The following PARD3B variants were observed in gnomAD, a reference collection of about 807,000 sequenced individuals.
PARD3B encodes the protein partitioning defective 3 homolog B.
A neutral mutation model predicts 130.2 loss-of-function variants in PARD3B; 103 were observed. The ratio of observed to expected loss-of-function variants is 0.79; its 90% CI spans 0.67 to 0.93. PARD3B has a LOEUF of 0.93. Ranked by LOEUF, PARD3B falls within the 40% of genes least tolerant of loss-of-function variation. The probability of loss-of-function intolerance (pLI) is 0.00; values close to 1 mark genes in which losing one functional copy is unlikely to be tolerated. For synonymous variants in PARD3B, 583 were observed against 553.2 expected (o/e 1.05, Z -0.76); for missense variants, 1,609 against 1,499.2 (o/e 1.07, Z -1.21).
At chr2:204,703,872 T>C (rs571945469) in intron 2 of PARD3B, among the ~76,000 whole-genome samples, 2 of 152,290 alleles carry the variant, frequency 1.3e-5, no homozygotes, top group East Asian at 3.9e-4. Flanking sequence ...AGGGCACATT[T>C]CTATAATTTT....
At chr2:205,231,231 C>T (rs552474299) in intron 15 of PARD3B, among the ~76,000 whole-genome samples, 10 of 151,986 alleles carry the variant, frequency 6.6e-5, no homozygotes, top group African/African-American at 2.2e-4. Flanking sequence ...CTCCTCATTA[C>T]GTTTTAAGAC....
chr2:204,748,685 G>A (rs1379568737), intron 2 of PARD3B, among the ~76,000 whole-genome samples: 1 of 152,074 alleles, frequency 6.6e-6, no homozygotes, highest in Non-Finnish European at 1.5e-5. Flanking sequence ...AGTAGGGTAT[G>A]AGAACTGCAT....
In PARD3B at chr2:205,125,947, C is replaced by A. The variant is rs1255219565; in HGVS notation, c.1434+210C>A. On this transcript the variant is annotated intron_variant, in intron 10 of 22. Coordinates refer to ENST00000406610, the MANE Select transcript of PARD3B (RefSeq NM_001302769.2). This position sits in a 1 kb window ranked among gnomAD's most constrained non-coding sequence, Gnocchi z 4.0. ...GTATATGTAAACAGTGATTCCGGGG[C>A]ACAGATTCAAACACCTTTAGCAATA... Among the ~76,000 whole-genome samples, 1 of 152,130 alleles carries A rather than the reference C, an allele frequency of 6.6e-6. No individual in the cohort carries two copies. Among genetic ancestry groups the A allele is most frequent in the African/African-American group, 2.4e-5 (1 of 41,418 alleles).
At chr2:205,114,660 C>T (rs1703897452) in intron 6 of PARD3B, among the ~76,000 whole-genome samples, 2 of 151,856 alleles carry the variant, frequency 1.3e-5, no homozygotes, top group Admixed American at 6.6e-5. Context: ...TCAGTCTGCC[C>T]TATAGCGAAA....
chr2:205,424,314 G>A, intron 19 of PARD3B, among the ~76,000 whole-genome samples: 1 of 152,104 alleles, frequency 6.6e-6, no homozygotes, highest in South Asian at 2.1e-4. Context: ...TATAGTCATG[G>A]TTCTATACTT....
chr2:205,402,531 G>GA (rs949482471), intron 19 of PARD3B, among the ~76,000 whole-genome samples: 1 of 152,052 alleles, frequency 6.6e-6, no homozygotes, highest in Non-Finnish European at 1.5e-5. Flanking sequence ...TGGGACAGGG[G>GA]AAAAAAACTC....
At chr2:205,117,915 G>GTACACACACACACACAAACACA (rs1553617390) in intron 6 of PARD3B, among the ~76,000 whole-genome samples, 1 of 133,500 alleles carries the variant, frequency 7.5e-6, no homozygotes, top group Non-Finnish European at 1.6e-5. Context: ...ATGTATGTGT[G>GTACACACACACACACAAACACA]TACACACACA....
At chr2:204,910,742 C>T (rs898350029) in intron 2 of PARD3B, among the ~76,000 whole-genome samples, 5 of 152,102 alleles carry the variant, frequency 3.3e-5, no homozygotes, top group African/African-American at 1.2e-4. Context: ...CCCGGGTTCA[C>T]GCCATTCTCC....
chr2:204,877,097 C>T (rs904827594), intron 2 of PARD3B, among the ~76,000 whole-genome samples: 2 of 152,068 alleles, frequency 1.3e-5, no homozygotes, highest in South Asian at 2.1e-4. Flanking sequence ...TTTGTAGGGA[C>T]GTGGATGAAG....
At position 205,105,580 on chromosome 2, in the gene PARD3B, G is replaced by A. The variant is rs1380268243; in HGVS notation, c.593+1066G>A. 6.6e-6 allele frequency among the ~76,000 whole-genome samples: 1 copy of A among 152,048 alleles called. No homozygotes were observed. Among genetic ancestry groups the A allele is most frequent in the Non-Finnish European group, 1.5e-5 (1 of 68,012 alleles). On this transcript the variant is annotated intron_variant, in intron 5 of 22. Transcript: ENST00000406610. The surrounding 1 kb of genome is among the most constrained non-coding windows in gnomAD (Gnocchi z 4.0). Reference sequence around the variant, plus strand: ...TGGATTCTCCTCAAACTTATTTATAGCCACGTGAGCATAGTTACTCTTTAT... The same window carrying A: ...TGGATTCTCCTCAAACTTATTTATAACCACGTGAGCATAGTTACTCTTTAT...
intron 18 of PARD3B, among the ~76,000 whole-genome samples, chr2:205,373,175 C>T (rs1370254946): frequency 6.6e-6 from 1 of 152,082 alleles, no homozygotes; most frequent in Non-Finnish European, 1.5e-5. Flanking sequence ...AGATGCAGGA[C>T]CTGGATGTTT....
intron 18 of PARD3B, among the ~76,000 whole-genome samples, chr2:205,391,231 G>A (rs752356917): frequency 3.3e-5 from 5 of 152,264 alleles, no homozygotes; most frequent in Non-Finnish European, 7.3e-5. Context: ...AGAGAAAAGG[G>A]AAGGAAAGAG....
chr2:205,203,501 C>T (rs2037104569), intron 15 of PARD3B, among the ~76,000 whole-genome samples: 1 of 151,290 alleles, frequency 6.6e-6, no homozygotes, highest in Non-Finnish European at 1.5e-5. Context: ...ATGTGGAGAA[C>T]ATGCAGGTTT....
chr2:204,955,922 T>A (rs1690197351), intron 2 of PARD3B, among the ~76,000 whole-genome samples: 1 of 152,112 alleles, frequency 6.6e-6, no homozygotes, highest in African/African-American at 2.4e-5. Flanking sequence ...GTGCAGATAA[T>A]TATGGCAGAC....
At chr2:204,706,034 T>A (rs1347958009) in intron 2 of PARD3B, among the ~76,000 whole-genome samples, 1 of 152,152 alleles carries the variant, frequency 6.6e-6, no homozygotes, top group Non-Finnish European at 1.5e-5. Flanking sequence ...TAAACTTTTT[T>A]AAAGTATGGT....
chr2:205,097,519 C>A (rs913435106), intron 4 of PARD3B, among the ~76,000 whole-genome samples: 2 of 152,136 alleles, frequency 1.3e-5, no homozygotes, highest in Non-Finnish European at 2.9e-5. Flanking sequence ...AGTCTCAGAT[C>A]TGTACTAGCT....
rs1223491585 is a variant in PARD3B at position 205,187,409 on chromosome 2, C to A, written c.2024+1546C>A. 1.3e-5 allele frequency among the ~76,000 whole-genome samples: 2 copies of A among 152,150 alleles called. No individual in the cohort carries two copies. Among genetic ancestry groups the A allele is most frequent in the Non-Finnish European group, 2.9e-5 (2 of 68,028 alleles). On this transcript the variant is annotated intron_variant, in intron 14 of 22. Coordinates refer to ENST00000406610, the MANE Select transcript of PARD3B (RefSeq NM_001302769.2). The surrounding 1 kb of genome is among the most constrained non-coding windows in gnomAD (Gnocchi z 4.9). The stretch of plus-strand genomic sequence containing the variant: ...TTGCAGGGTTTTCGCAGGTAATACA[C>A]AGAATGAAACCTGGGTTTTTTGTGT...
chr2:204,968,116 T>A (rs1486549953), intron 3 of PARD3B, among the ~76,000 whole-genome samples: 3 of 152,202 alleles, frequency 2.0e-5, no homozygotes, highest in African/African-American at 7.2e-5. Flanking sequence ...TTTACTGGTT[T>A]TCTCACTCTT....
At chr2:204,718,391 C>T (rs886202658) in intron 2 of PARD3B, among the ~76,000 whole-genome samples, 4 of 151,998 alleles carry the variant, frequency 2.6e-5, no homozygotes, top group Admixed American at 6.6e-5. Flanking sequence ...ACAATCATGG[C>T]GGAAGGGGAA....
Sources: gnomAD v4.1 joint callset for allele counts (sites outside exome capture counted in the v4.1 genomes callset) on GRCh38, gnomAD v4.1.1 for gene constraint, Gnocchi (gnomAD v3.1) non-coding constraint, MANE v1.5 for transcripts, NCBI Gene and HGNC (gene_info 2026-07-23, HGNC 2026-07-21) for gene names.